GPR39: variants seen among roughly 807,000 people sequenced by gnomAD.
GPR39 encodes the protein G protein-coupled receptor 39.
GPR39 carries 23 observed loss-of-function variants against 18.4 expected under a neutral mutation model. The ratio of observed to expected loss-of-function variants is 1.25; its 90% CI spans 0.90 to 1.77. GPR39 has a LOEUF of 1.77. Among genes scored for constraint, GPR39 ranks in the 40% most tolerant of loss-of-function variants. The probability of loss-of-function intolerance (pLI) is 0.00; values close to 1 mark genes in which losing one functional copy is unlikely to be tolerated. For synonymous variants in GPR39, 280 were observed against 257.9 expected, an observed-to-expected ratio of 1.09 and a Z score of -0.82; for missense variants, 647 against 602.4, an observed-to-expected ratio of 1.07 and a Z score of -0.78.
At chr2:132,463,743 T>G (rs1414161735) in intron 1 of GPR39, among the ~76,000 whole-genome samples, 1 of 152,220 alleles carries the variant, frequency 6.6e-6, no homozygotes, top group Non-Finnish European at 1.5e-5. Flanking sequence ...TTTGGTAGCT[T>G]GAAACAACAG....
intron 1 of GPR39, among the ~76,000 whole-genome samples, chr2:132,614,412 G>A (rs1295706142): frequency 6.6e-6 from 1 of 151,446 alleles, no homozygotes; most frequent in Non-Finnish European, 1.5e-5. Flanking sequence ...TCACCATGTT[G>A]CTCTCTTGAT....
At chr2:132,440,847 C>T (rs930403299) in intron 1 of GPR39, among the ~76,000 whole-genome samples, 9 of 152,148 alleles carry the variant, frequency 5.9e-5, no homozygotes, top group African/African-American at 2.2e-4. Flanking sequence ...ATATGAGAGG[C>T]ACATGTGCCC....
At chr2:132,424,092 G>A (rs1030876116) in intron 1 of GPR39, among the ~76,000 whole-genome samples, 2 of 152,142 alleles carry the variant, frequency 1.3e-5, no homozygotes, top group African/African-American at 4.8e-5. Flanking sequence ...GCTTGCCCCT[G>A]AGCAAATGAA....
intron 1 of GPR39, among the ~76,000 whole-genome samples, chr2:132,560,264 A>G (rs1168283386): frequency 6.6e-6 from 1 of 151,878 alleles, no homozygotes; most frequent in Non-Finnish European, 1.5e-5. Flanking sequence ...CAATACATTC[A>G]TCACCCCTTC....
rs139045796 is a variant in GPR39, at chr2:132,620,783, C to T, written c.857-24318C>T. ...ATTTAGTTATTTTGAGATGGAGTCT[C>T]GCTCTGTCACCCAGGCTGGAGTGCA... On this transcript the variant is annotated intron_variant, in intron 1 of 1. Coordinates refer to ENST00000329321, the MANE Select transcript of GPR39 (RefSeq NM_001508.3). 4.1e-3 allele frequency among the ~76,000 whole-genome samples: 622 copies of T among 152,208 alleles called. 1 individual carries two copies. The highest frequency in any genetic ancestry group is 6.5e-3 in the Non-Finnish European group (444 of 68,020).
At chr2:132,527,812 G>A (rs1679541583) in intron 1 of GPR39, among the ~76,000 whole-genome samples, 1 of 152,072 alleles carries the variant, frequency 6.6e-6, no homozygotes, top group Non-Finnish European at 1.5e-5. Flanking sequence ...ATTGGTTTAA[G>A]TTCCCTGTAG....
intron 1 of GPR39, among the ~76,000 whole-genome samples, chr2:132,572,391 C>A (rs1372224394): frequency 6.6e-6 from 1 of 152,138 alleles, no homozygotes; most frequent in Non-Finnish European, 1.5e-5. Context: ...CTGAGCAGAG[C>A]ATCCCCACGA....
At chr2:132,440,396 T>A (rs1022572434) in intron 1 of GPR39, among the ~76,000 whole-genome samples, 2 of 152,220 alleles carry the variant, frequency 1.3e-5, no homozygotes, top group African/African-American at 2.4e-5. Flanking sequence ...GGAGCTGGAC[T>A]GCTGGGTTCC....
At chr2:132,621,675 CAG>C (rs1300239471) in intron 1 of GPR39, among the ~76,000 whole-genome samples, 2 of 152,128 alleles carry the variant, frequency 1.3e-5, no homozygotes, top group African/African-American at 4.8e-5. Flanking sequence ...ATGGTGGAAC[CAG>C]AGAGATTCCA....
chr2:132,537,060 C>G (rs1221417009), intron 1 of GPR39, among the ~76,000 whole-genome samples: 1 of 152,086 alleles, frequency 6.6e-6, no homozygotes, highest in Non-Finnish European at 1.5e-5. Context: ...CACATGTAGC[C>G]CATTTACATT....
intron 1 of GPR39, among the ~76,000 whole-genome samples, chr2:132,548,232 C>T (rs13409167): frequency 6.6e-6 from 1 of 152,168 alleles, no homozygotes; most frequent in Admixed American, 6.5e-5. Context: ...TGGTGCTGCT[C>T]GTGCTGAAGT....
chr2:132,624,798 T>C (rs77249400), intron 1 of GPR39, among the ~76,000 whole-genome samples: 1,951 of 152,362 alleles, frequency 0.013, 47 homozygotes, highest in African/African-American at 0.044. Flanking sequence ...AGTATGTCGT[T>C]GCGTGAATAT....
intron 1 of GPR39, among the ~76,000 whole-genome samples, chr2:132,476,706 C>T (rs899353582): frequency 3.4e-5 from 5 of 147,342 alleles, no homozygotes; most frequent in Non-Finnish European, 6.0e-5. Context: ...GATAACATGG[C>T]GGGAAAAGGA....
At chr2:132,541,569 G>A (rs1043486396) in intron 1 of GPR39, among the ~76,000 whole-genome samples, 1 of 152,210 alleles carries the variant, frequency 6.6e-6, no homozygotes, top group African/African-American at 2.4e-5. Context: ...AATGGCACAG[G>A]TTGGCCAGGT....
intron 1 of GPR39, among the ~76,000 whole-genome samples, chr2:132,596,428 T>C (rs76984863): frequency 0.016 from 2,431 of 152,246 alleles, 60 homozygotes; most frequent in African/African-American, 0.055. Context: ...CCTGGATCTA[T>C]TCTGAGTTTA....
rs142674763 is a variant in GPR39, at chr2:132,627,554, C to T, written c.857-17547C>T. Among the ~76,000 whole-genome samples, 236 of 152,220 alleles carry T rather than the reference C, an allele frequency of 1.6e-3. 1 individual carries two copies. The highest frequency in any genetic ancestry group is 3.6e-3 in the African/African-American group (150 of 41,552). ...TCTTTCATGGAAGATATTAGTTTCC[C>T]GATTTTGCAATCAATGAAAATGAAG... On this transcript the variant is annotated intron_variant, in intron 1 of 1. Transcript: ENST00000329321.
At chr2:132,522,258 CAT>C (rs1679438597) in intron 1 of GPR39, among the ~76,000 whole-genome samples, 1 of 152,172 alleles carries the variant, frequency 6.6e-6, no homozygotes, top group African/African-American at 2.4e-5. Context: ...CTTTCAAACT[CAT>C]AATTTTTCCT....
At chr2:132,464,533 A>T (rs1363091760) in intron 1 of GPR39, among the ~76,000 whole-genome samples, 1 of 152,202 alleles carries the variant, frequency 6.6e-6, no homozygotes, top group Non-Finnish European at 1.5e-5. Context: ...AGAGAAGCCC[A>T]CATTAAAAAC....
chr2:132,438,036 G>A (rs1680362168), intron 1 of GPR39, among the ~76,000 whole-genome samples: 2 of 152,190 alleles, frequency 1.3e-5, no homozygotes, highest in African/African-American at 4.8e-5. Context: ...CCAAAAGTCT[G>A]GCAACAGCCA....
Sources: allele counts gnomAD v4.1 joint callset (sites outside exome capture counted in the v4.1 genomes callset), GRCh38; gene constraint gnomAD v4.1.1; transcripts MANE v1.5; gene names NCBI Gene and HGNC (gene_info 2026-07-23, HGNC 2026-07-21).